The following IER3IP1 variants were observed in gnomAD, a reference collection of about 807,000 sequenced individuals.
IER3IP1 encodes immediate early response 3-interacting protein 1.
A neutral mutation model predicts 12.2 loss-of-function variants in IER3IP1; 16 were observed. The observed-to-expected ratio is 1.31, with a 90% CI of 0.89 to 1.99. IER3IP1 has a LOEUF of 1.99. IER3IP1 is among the 30% of genes most tolerant of loss of function. IER3IP1 has a pLI of 0.00. For missense variants in IER3IP1, 95 were observed against 95.8 expected (o/e 0.99, Z 0.03); for synonymous variants, 42 against 40.0 (o/e 1.05, Z -0.19).
chr18:47,171,998 T>C (rs1178359499), intron 1 of IER3IP1, among the ~76,000 whole-genome samples: 1 of 152,126 alleles, frequency 6.6e-6, no homozygotes, highest in Admixed American at 6.5e-5. Flanking sequence ...GCCAGGCTGG[T>C]CTCGAACTCC....
At chr18:47,175,710 C>T (rs2064030548) in intron 1 of IER3IP1, among the ~76,000 whole-genome samples, 1 of 152,074 alleles carries the variant, frequency 6.6e-6, no homozygotes, top group Non-Finnish European at 1.5e-5. Flanking sequence ...ATCCGCCGGC[C>T]TCGGCCTGCC....
rs1177349633 is a variant in IER3IP1, at chr18:47,153,650, T to C, written c.*2527A>G. Reference sequence around the variant, plus strand: ...ATAAGTAATAACATGTGGTATTTGGTTTTCTGTTCCTACATTAGTTTGTTA... The same window carrying C: ...ATAAGTAATAACATGTGGTATTTGGCTTTCTGTTCCTACATTAGTTTGTTA... On this transcript the variant is annotated 3_prime_UTR_variant, in exon 3 of 3. Transcript: ENST00000256433. 1.3e-5 allele frequency: 2 copies of C among 152,172 alleles called. No individual in the cohort carries two copies. The highest frequency in any genetic ancestry group is 3.9e-4 in the East Asian group (2 of 5,192). The allele number at this position is 152,172 out of a possible 1,614,324, so 9.4% of individuals were successfully genotyped here. A position where few individuals can be genotyped will look rare whatever the true frequency, so the allele number is the denominator to read the frequency against.
chr18:47,156,711 T>C (rs1476104249), intron 2 of IER3IP1, among the ~76,000 whole-genome samples: 3 of 152,112 alleles, frequency 2.0e-5, no homozygotes, highest in African/African-American at 7.2e-5. Context: ...TTTTGAACTC[T>C]TTTTTTCTTG....
rs1231749752 is a variant in IER3IP1, at chr18:47,155,317, T to C, written c.*860A>G. The C allele has an allele frequency of 2.0e-5, 3 of 152,112 alleles. No individual in the cohort carries two copies. Among genetic ancestry groups the C allele is most frequent in the African/African-American group, 7.2e-5 (3 of 41,424 alleles). 9.4% of individuals were successfully genotyped at this position (152,112 alleles called of 1,614,324 possible). A position where few individuals can be genotyped will look rare whatever the true frequency, so the allele number is the denominator to read the frequency against. ...CACAATGTGCTGCTCCACCAAGAAA[T>C]AGAAATGTAATGATTTTTTGAAAGG... On this transcript the variant is annotated 3_prime_UTR_variant, in exon 3 of 3. Transcript: ENST00000256433.
intron 1 of IER3IP1, among the ~76,000 whole-genome samples, chr18:47,158,111 G>T (rs931160355): frequency 6.6e-6 from 1 of 152,042 alleles, no homozygotes; most frequent in Admixed American, 6.6e-5. Context: ...TCAAAATCCT[G>T]AAGTCTAAAA....
chr18:47,170,461 C>T (rs1230009535), intron 1 of IER3IP1, among the ~76,000 whole-genome samples: 3 of 149,682 alleles, frequency 2.0e-5, no homozygotes, highest in Admixed American at 6.7e-5. Flanking sequence ...ATAGACACCA[C>T]ATTAAACCTA....
rs74542893 is a variant in IER3IP1, at chr18:47,173,352, T to A, written c.91+2835A>T. On this transcript the variant is annotated intron_variant, in intron 1 of 2. Transcript: ENST00000256433. ...AGTAAATTCTGCCTTTTATACCTTT[T>A]TTTTCTTCCTTCGAGACATAGTCTT... 5.2e-3 allele frequency among the ~76,000 whole-genome samples: 790 copies of A among 152,268 alleles called. 7 individuals carry two copies. Among genetic ancestry groups the A allele is most frequent in the African/African-American group, 0.018 (756 of 41,538 alleles).
At chr18:47,164,505 T>C (rs372014769) in intron 1 of IER3IP1, among the ~76,000 whole-genome samples, 15 of 152,050 alleles carry the variant, frequency 9.9e-5, no homozygotes, top group Non-Finnish European at 2.9e-5. Flanking sequence ...TTTTTTTTTT[T>C]CTTTTTAAGA....
intron 1 of IER3IP1, among the ~76,000 whole-genome samples, chr18:47,168,137 AAAAAAAAAAAAAAAAAAAT>A (rs1301677021): frequency 7.2e-6 from 1 of 138,906 alleles, no homozygotes; most frequent in African/African-American, 2.8e-5. Context: ...AAAAAAAAAA[AAAAAAAAAAAAAAAAAAAT>A]TTTAGCTAGG....
At chr18:47,162,675 A>G (rs1271614871) in intron 1 of IER3IP1, among the ~76,000 whole-genome samples, 1 of 152,134 alleles carries the variant, frequency 6.6e-6, no homozygotes, top group Non-Finnish European at 1.5e-5. Context: ...TCAGTTCCAA[A>G]AAGAAAGAAA....
At chr18:47,156,376 A>T in intron 2 of IER3IP1, 144 bp from the exon 3 acceptor site, 1 of 620,100 alleles carries the variant, frequency 1.6e-6, no homozygotes, top group Non-Finnish European at 2.9e-6. Context: ...ACAAAGAAAC[A>T]TTCTAAAATA....
At chr18:47,163,861 T>C (rs2063987569) in intron 1 of IER3IP1, among the ~76,000 whole-genome samples, 1 of 152,214 alleles carries the variant, frequency 6.6e-6, no homozygotes, top group Admixed American at 6.5e-5. Context: ...CATCATGTTA[T>C]TTAAAATTAT....
chr18:47,167,248 A>C (rs1026912340), intron 1 of IER3IP1, among the ~76,000 whole-genome samples: 7 of 152,054 alleles, frequency 4.6e-5, no homozygotes, highest in African/African-American at 1.7e-4. Flanking sequence ...ACAGGGTTTC[A>C]CCATGTTGGC....
intron 1 of IER3IP1, 116 bp from the exon 2 acceptor site, chr18:47,157,653 A>T (rs1375089898): frequency 1.0e-5 from 9 of 898,250 alleles, no homozygotes; most frequent in Middle Eastern, 5.1e-4. Flanking sequence ...AAGTCATATG[A>T]CTTTTAAGAA....
intron 1 of IER3IP1, among the ~76,000 whole-genome samples, chr18:47,162,303 A>T (rs1467173467): frequency 6.6e-6 from 1 of 152,242 alleles, no homozygotes; most frequent in Non-Finnish European, 1.5e-5. Context: ...CCAGTAAACA[A>T]GCCCTGACTA....
At position 47,153,731 on chromosome 18, in the gene IER3IP1, T is replaced by A. The variant is rs748497406; in HGVS notation, c.*2446A>T. On this transcript the variant is annotated 3_prime_UTR_variant, in exon 3 of 3. Coordinates refer to ENST00000256433, the MANE Select transcript of IER3IP1 (RefSeq NM_016097.5). ...CCCACAGAAGGTATTATCTAATTCT[T>A]TTTTATGGCTAAAGCAGGGATTTTT... The A allele has an allele frequency of 6.6e-6, 1 of 152,186 alleles. No individual in the cohort carries two copies. Among genetic ancestry groups the A allele is most frequent in the Admixed American group, 6.5e-5 (1 of 15,278 alleles). The allele number at this position is 152,186 out of a possible 1,614,324, so 9.4% of individuals were successfully genotyped here. A position where few individuals can be genotyped will look rare whatever the true frequency, so the allele number is the denominator to read the frequency against.
At position 47,154,240 on chromosome 18, in the gene IER3IP1, ACTG is replaced by A. The variant is rs1467754532; in HGVS notation, c.*1934_*1936del. ...AACACACTCTGTTTACTGAATCACA[ACTG>A]CTCTGGGGAAACCAGGGCTGACCAG... On this transcript the variant is annotated 3_prime_UTR_variant, in exon 3 of 3. Transcript: ENST00000256433. The A allele has an allele frequency of 6.6e-6, 1 of 152,180 alleles. No individual in the cohort carries two copies. The highest frequency in any genetic ancestry group is 1.5e-5 in the Non-Finnish European group (1 of 68,038). 9.4% of individuals were successfully genotyped at this position (152,180 alleles called of 1,614,324 possible). A position where few individuals can be genotyped will look rare whatever the true frequency, so the allele number is the denominator to read the frequency against.
intron 1 of IER3IP1, among the ~76,000 whole-genome samples, chr18:47,166,350 T>C (rs1275908077): frequency 6.6e-6 from 1 of 152,184 alleles, no homozygotes; most frequent in Non-Finnish European, 1.5e-5. Context: ...GAAAAGAAAC[T>C]ACAGTGATGC....
At chr18:47,167,706 A>T (rs2064000455) in intron 1 of IER3IP1, among the ~76,000 whole-genome samples, 1 of 152,210 alleles carries the variant, frequency 6.6e-6, no homozygotes, top group Admixed American at 6.5e-5. Context: ...ACTGTCACTT[A>T]TTATTCTCCA....
Sources: allele counts gnomAD v4.1 joint callset (sites outside exome capture counted in the v4.1 genomes callset), GRCh38; gene constraint gnomAD v4.1.1; transcripts MANE v1.5; gene names NCBI Gene and HGNC (gene_info 2026-07-23, HGNC 2026-07-21).